Variants in SOCS5 observed in about 807,000 individuals in gnomAD.
The protein encoded by SOCS5 is suppressor of cytokine signaling 5, also known as CIS-6.
In SOCS5, 32 loss-of-function variants were observed where a neutral mutation model predicts 42.8. That is an observed-to-expected ratio of 0.75 (90% CI 0.56 to 1.01). The LOEUF (loss-of-function observed/expected upper bound fraction) is 1.01, where lower values mean the gene tolerates loss of function less well. SOCS5 is among the 50% of genes least tolerant of loss of function. SOCS5 has a pLI of 0.00. For missense variants in SOCS5, 627 were observed against 653.0 expected, an observed-to-expected ratio of 0.96 and a Z score of 0.43; for synonymous variants, 283 against 229.6, an observed-to-expected ratio of 1.23 and a Z score of -2.10.
chr2:46,737,946 A>G (rs1296314311), intron 1 of SOCS5, among the ~76,000 whole-genome samples: 1 of 152,212 alleles, frequency 6.6e-6, no homozygotes, highest in East Asian at 1.9e-4. Context: ...TTTTATCTTT[A>G]GAATCTTACA....
chr2:46,733,338 A>C (rs768891341), intron 1 of SOCS5, among the ~76,000 whole-genome samples: 1 of 152,030 alleles, frequency 6.6e-6, no homozygotes, highest in Non-Finnish European at 1.5e-5. Flanking sequence ...CAGGTGATCC[A>C]CCCATCTCAG....
chr2:46,756,782 T>C (rs2103762861), intron 1 of SOCS5, among the ~76,000 whole-genome samples: 1 of 152,256 alleles, frequency 6.6e-6, no homozygotes, highest in East Asian at 1.9e-4. Context: ...CGGCAGGAAT[T>C]CGACTGTATT....
At chr2:46,700,008 T>C (rs538779889) in intron 1 of SOCS5, among the ~76,000 whole-genome samples, 6 of 152,212 alleles carry the variant, frequency 3.9e-5, no homozygotes, top group Non-Finnish European at 7.4e-5. Context: ...GAGGTTTAAC[T>C]AACCAAGGTG....
intron 1 of SOCS5, among the ~76,000 whole-genome samples, chr2:46,738,006 C>T (rs892309774): frequency 8.6e-5 from 13 of 151,980 alleles, no homozygotes; most frequent in Admixed American, 6.6e-5. Context: ...AAGGTGAGAA[C>T]AAATTGTGGT....
chr2:46,748,825 A>G (rs1558411559), intron 1 of SOCS5, among the ~76,000 whole-genome samples: 1 of 152,172 alleles, frequency 6.6e-6, no homozygotes, highest in East Asian at 1.9e-4. Flanking sequence ...TCCTCCCTAG[A>G]GAAGGAAATG....
chr2:46,727,419 G>C (rs1456398897), intron 1 of SOCS5, among the ~76,000 whole-genome samples: 3 of 152,202 alleles, frequency 2.0e-5, no homozygotes, highest in Admixed American at 1.3e-4. Context: ...ATTTTAGATT[G>C]CATCCTGGGC....
At chr2:46,728,600 A>T (rs945553066) in intron 1 of SOCS5, among the ~76,000 whole-genome samples, 1 of 152,138 alleles carries the variant, frequency 6.6e-6, no homozygotes, top group Non-Finnish European at 1.5e-5. Flanking sequence ...TCTGTCACCT[A>T]GGCTGGAGTG....
intron 1 of SOCS5, among the ~76,000 whole-genome samples, chr2:46,740,392 A>G (rs1013552855): frequency 6.6e-6 from 1 of 152,186 alleles, no homozygotes; most frequent in Non-Finnish European, 1.5e-5. Flanking sequence ...TTTTGCTTTT[A>G]ATTTTCTGTC....
At chr2:46,725,374 C>G (rs908450550) in intron 1 of SOCS5, among the ~76,000 whole-genome samples, 1 of 151,930 alleles carries the variant, frequency 6.6e-6, no homozygotes, top group Non-Finnish European at 1.5e-5. Context: ...ATTACTGATA[C>G]GTTTAGATTT....
At chr2:46,723,573 T>C (rs74981368) in intron 1 of SOCS5, among the ~76,000 whole-genome samples, 2,557 of 152,158 alleles carry the variant, frequency 0.017, 88 homozygotes, top group African/African-American at 0.058. Flanking sequence ...CTTGCACTGT[T>C]GTCAGAAATC....
chr2:46,726,994 G>A (rs953114581), intron 1 of SOCS5, among the ~76,000 whole-genome samples: 1 of 151,894 alleles, frequency 6.6e-6, no homozygotes, highest in African/African-American at 2.4e-5. Context: ...GATCTCAGGT[G>A]ATCCGCCCAC....
At chr2:46,727,030 A>G (rs2103721015) in intron 1 of SOCS5, among the ~76,000 whole-genome samples, 1 of 152,068 alleles carries the variant, frequency 6.6e-6, no homozygotes, top group Non-Finnish European at 1.5e-5. Flanking sequence ...TTCTGGGATT[A>G]CAGGCATGAG....
At chr2:46,729,867 A>G (rs925187957) in intron 1 of SOCS5, among the ~76,000 whole-genome samples, 12 of 152,166 alleles carry the variant, frequency 7.9e-5, no homozygotes, top group African/African-American at 2.2e-4. Flanking sequence ...CTTTTTGCCT[A>G]TTTTGTAGTA....
intron 1 of SOCS5, among the ~76,000 whole-genome samples, chr2:46,707,687 A>T (rs1672527088): frequency 6.6e-6 from 1 of 152,348 alleles, no homozygotes; most frequent in Admixed American, 6.5e-5. Context: ...TAGAAAATTG[A>T]TCATAGCAGT....
chr2:46,737,205 G>C (rs978884188), intron 1 of SOCS5, among the ~76,000 whole-genome samples: 16 of 152,284 alleles, frequency 1.1e-4, no homozygotes, highest in African/African-American at 3.9e-4. Context: ...GAGAAATACA[G>C]TGGCCTTTCA....
chr2:46,749,103 C>T (rs890548635), intron 1 of SOCS5, among the ~76,000 whole-genome samples: 3 of 152,172 alleles, frequency 2.0e-5, no homozygotes, highest in African/African-American at 7.2e-5. Flanking sequence ...GCAGTGCTGA[C>T]AGTACTAGTC....
At chr2:46,727,470 A>T (rs1005739840) in intron 1 of SOCS5, among the ~76,000 whole-genome samples, 1 of 152,168 alleles carries the variant, frequency 6.6e-6, no homozygotes, top group African/African-American at 2.4e-5. Flanking sequence ...TCTTACTTAA[A>T]TTCCATGGAG....
intron 1 of SOCS5, among the ~76,000 whole-genome samples, chr2:46,730,553 T>C (rs1466079713): frequency 6.6e-6 from 1 of 152,130 alleles, no homozygotes; most frequent in African/African-American, 2.4e-5. Context: ...TGAGCCAAGA[T>C]TGTGCCACTG....
At chr2:46,741,852 CT>C (rs1262711449) in intron 1 of SOCS5, among the ~76,000 whole-genome samples, 1 of 152,068 alleles carries the variant, frequency 6.6e-6, no homozygotes, top group African/African-American at 2.4e-5. Flanking sequence ...TGAATATTTC[CT>C]GCATATAAAT....
Sources: allele counts gnomAD v4.1 joint callset (sites outside exome capture counted in the v4.1 genomes callset), GRCh38; gene constraint gnomAD v4.1.1; transcripts MANE v1.5; gene names NCBI Gene and HGNC (gene_info 2026-07-23, HGNC 2026-07-21).